Variants in LDB2 observed in about 807,000 individuals in gnomAD.
LDB2 encodes LIM domain binding 2.
LDB2 carries 12 observed loss-of-function variants against 44.3 expected under a neutral mutation model. The observed-to-expected ratio is 0.27, with a 90% confidence interval of 0.17 to 0.44. The LOEUF (loss-of-function observed/expected upper bound fraction) is 0.44. LDB2 is among the 20% of genes least tolerant of loss of function. LDB2 has a pLI of 1.00. For synonymous variants in LDB2, 164 were observed against 174.8 expected, an observed-to-expected ratio of 0.94 and a Z score of 0.49; for missense variants, 344 against 473.5, an observed-to-expected ratio of 0.73 and a Z score of 2.54.
At position 16,525,897 on chromosome 4, in the gene LDB2, G is replaced by C. The variant is rs533749972; in HGVS notation, c.616-13793C>G. 2.6e-5 allele frequency among the ~76,000 whole-genome samples: 4 copies of C among 152,254 alleles called. No homozygotes were observed. In the South Asian group the frequency reaches 8.3e-4, roughly 32 times the overall value. ...TCTGCAGAGATATCCACATTCTAAT[G>C]GTTCGAAATTGTGACTACAGCAGGT... On this transcript the variant is annotated intron_variant, in intron 5 of 7. Coordinates refer to ENST00000304523, the MANE Select transcript of LDB2 (RefSeq NM_001290.5).
intron 5 of LDB2, chr4:16,581,425 T>C (rs1714404237): frequency 1.0e-6 from 1 of 984,904 alleles, no homozygotes; most frequent in Non-Finnish European, 1.2e-6. Flanking sequence ...ATGCTGTTAC[T>C]GGAAAAAAAA....
rs548426144 is a variant in LDB2 at position 16,890,227 on chromosome 4, A to G, written c.132+8127T>C. ...GAAGGAAGAGATCAATAGATTCTTAAAACCAGAGCAAGGAGTTTAGAGCTT... is the reference window on the plus strand; with the variant it reads ...GAAGGAAGAGATCAATAGATTCTTAGAACCAGAGCAAGGAGTTTAGAGCTT... On this transcript the variant is annotated intron_variant, in intron 1 of 7. Transcript: ENST00000304523. Among the ~76,000 whole-genome samples the G allele has an allele frequency of 2.2e-4, 34 of 152,342 alleles. No individual in the cohort carries two copies. In the East Asian group the frequency reaches 6.2e-3, roughly 28 times the overall value.
chr4:16,518,911 C>T (rs1208077264), intron 5 of LDB2, among the ~76,000 whole-genome samples: 1 of 152,156 alleles, frequency 6.6e-6, no homozygotes, highest in Non-Finnish European at 1.5e-5. Flanking sequence ...ACCAGTCGCC[C>T]ACACTAAGTC....
chr4:16,734,698 G>GTTTTC (rs1208511313), intron 2 of LDB2, among the ~76,000 whole-genome samples: 4 of 120,000 alleles, frequency 3.3e-5, no homozygotes, highest in African/African-American at 1.3e-4. Context: ...CCAACTTCTT[G>GTTTTC]TTTTCTTTTT....
intron 1 of LDB2, among the ~76,000 whole-genome samples, chr4:16,770,017 C>A (rs1230207583): frequency 6.6e-6 from 1 of 152,184 alleles, no homozygotes; most frequent in Non-Finnish European, 1.5e-5. Flanking sequence ...CTTTGATCCA[C>A]AAAATCAGTA....
At chr4:16,834,040 T>G (rs1784493922) in intron 1 of LDB2, among the ~76,000 whole-genome samples, 1 of 152,240 alleles carries the variant, frequency 6.6e-6, no homozygotes, top group African/African-American at 2.4e-5. Context: ...TTCTGGCCAT[T>G]CTCTCTACAG....
intron 2 of LDB2, among the ~76,000 whole-genome samples, chr4:16,602,954 T>C (rs936494545): frequency 1.3e-5 from 2 of 152,206 alleles, no homozygotes; most frequent in Non-Finnish European, 2.9e-5. Flanking sequence ...GCAATAAATA[T>C]GTGAATTTAT....
At chr4:16,637,299 A>ATTTTTTTTTTTTTTTTTTTTTTTTTTT (rs34484721) in intron 2 of LDB2, among the ~76,000 whole-genome samples, 2 of 85,482 alleles carry the variant, frequency 2.3e-5, no homozygotes, top group African/African-American at 4.9e-5. Context: ...GCCTAGGCTG[A>ATTTTTTTTTTTTTTTTTTTTTTTTTTT]TTTTTTTTTT....
At chr4:16,848,289 G>C (rs568891895) in intron 1 of LDB2, among the ~76,000 whole-genome samples, 8 of 152,312 alleles carry the variant, frequency 5.3e-5, no homozygotes, top group African/African-American at 1.7e-4. Context: ...CAGATGAAAA[G>C]CTCAATTTGG....
chr4:16,522,730 C>T (rs1577357170), intron 5 of LDB2, among the ~76,000 whole-genome samples: 1 of 151,994 alleles, frequency 6.6e-6, no homozygotes, highest in African/African-American at 2.4e-5. Flanking sequence ...ATATTGGTCA[C>T]TCTGTCTATG....
chr4:16,572,465 A>C (rs1746909958), intron 5 of LDB2, among the ~76,000 whole-genome samples: 1 of 152,066 alleles, frequency 6.6e-6, no homozygotes. Flanking sequence ...CTATTTGTAC[A>C]CTTAAGGCCA....
chr4:16,719,760 T>G (rs1757849096), intron 2 of LDB2, among the ~76,000 whole-genome samples: 1 of 152,092 alleles, frequency 6.6e-6, no homozygotes, highest in Non-Finnish European at 1.5e-5. Context: ...CTAAGTGTTG[T>G]TTTTTATCCC....
At chr4:16,633,689 A>C (rs1432218988) in intron 2 of LDB2, among the ~76,000 whole-genome samples, 2 of 152,236 alleles carry the variant, frequency 1.3e-5, no homozygotes, top group Non-Finnish European at 2.9e-5. Flanking sequence ...CTCACTGCCC[A>C]AAGTAAGTTA....
Position 16,585,915 on chromosome 4 carries a change from A to G in LDB2, c.615+7T>C. 2 of 1,608,462 alleles carry G rather than the reference A, an allele frequency of 1.2e-6. No homozygotes were observed. The highest frequency in any genetic ancestry group is 1.7e-6 in the Non-Finnish European group (2 of 1,174,986). ...ACCAAAAAATAAAATCATTCGATTG[A>G]TCTTACCCTGAGGTAGTTGAGGGTG... On this transcript the variant is annotated splice_region_variant and intron_variant, in intron 5 of 7. Transcript: ENST00000304523.
At chr4:16,618,222 T>C (rs1210739770) in intron 2 of LDB2, among the ~76,000 whole-genome samples, 1 of 152,118 alleles carries the variant, frequency 6.6e-6, no homozygotes, top group Non-Finnish European at 1.5e-5. Context: ...GCAGCTTCCA[T>C]TTTCACTGGA....
chr4:16,548,441 C>T (rs1044868634), intron 5 of LDB2, among the ~76,000 whole-genome samples: 7 of 152,196 alleles, frequency 4.6e-5, no homozygotes, highest in Non-Finnish European at 8.8e-5. Context: ...TTTGATACAG[C>T]CTCTTCCAGA....
intron 1 of LDB2, among the ~76,000 whole-genome samples, chr4:16,767,949 C>T (rs1338658914): frequency 6.6e-6 from 1 of 152,160 alleles, no homozygotes; most frequent in East Asian, 1.9e-4. Context: ...ATTTTGCTTC[C>T]ATCCTAGATT....
intron 2 of LDB2, among the ~76,000 whole-genome samples, chr4:16,754,672 C>T (rs1032681602): frequency 9.2e-5 from 14 of 152,064 alleles, no homozygotes; most frequent in African/African-American, 1.7e-4. Flanking sequence ...GCTGGGACTA[C>T]AGACGCATGC....
intron 1 of LDB2, among the ~76,000 whole-genome samples, chr4:16,854,119 A>C (rs952845337): frequency 2.6e-5 from 4 of 152,054 alleles, no homozygotes; most frequent in Non-Finnish European, 4.4e-5. Flanking sequence ...GATTCTTACT[A>C]AATGAGTAGA....
Sources: gnomAD v4.1 joint callset for allele counts (sites outside exome capture counted in the v4.1 genomes callset) on GRCh38, gnomAD v4.1.1 for gene constraint, MANE v1.5 for transcripts, NCBI Gene and HGNC (gene_info 2026-07-23, HGNC 2026-07-21) for gene names.